EFHD1: variants seen among roughly 807,000 people sequenced by gnomAD.
The protein encoded by EFHD1 is EF-hand domain-containing protein D1.
In EFHD1, 10 loss-of-function variants were observed where a neutral mutation model predicts 17.2. The ratio of observed to expected loss-of-function variants is 0.58; its 90% confidence interval spans 0.36 to 0.99. The LOEUF is 0.99. Among genes scored for constraint, EFHD1 ranks in the 50% least tolerant of loss-of-function variants. The pLI, the probability that EFHD1 is intolerant of heterozygous loss-of-function variation, is 0.01. For synonymous variants in EFHD1, 153 were observed against 142.0 expected (o/e 1.08, Z -0.55); for missense variants, 310 against 327.5 (o/e 0.95, Z 0.41).
intron 2 of EFHD1, among the ~76,000 whole-genome samples, chr2:232,668,925 C>T (rs764934874): frequency 2.6e-5 from 4 of 152,212 alleles, no homozygotes; most frequent in Non-Finnish European, 4.4e-5. Context: ...TGAGCCACCA[C>T]GCCCAGCCAG....
At chr2:232,632,518 G>C (rs754901794), upstream of EFHD1, among the ~76,000 whole-genome samples, 58 of 152,286 alleles carry the variant, frequency 3.8e-4, 1 homozygote, top group Middle Eastern at 0.02. Flanking sequence ...CCTTCCTTGG[G>C]GAGAATGACG....
At position 232,682,579 on chromosome 2, in the gene EFHD1, C is replaced by G. The variant is rs1369383731; in HGVS notation, c.*860C>G. 6.6e-6 allele frequency: 1 copy of G among 152,200 alleles called. No homozygotes were observed. Among genetic ancestry groups the G allele is most frequent in the Non-Finnish European group, 1.5e-5 (1 of 68,054 alleles). 9.4% of individuals were successfully genotyped at this position (152,200 alleles called of 1,614,324 possible). ...AAACATCCCCAAAGTCATGGCCATACTCACCATTAGCCAGTTTCTAACATC... is the reference window on the plus strand; with the variant it reads ...AAACATCCCCAAAGTCATGGCCATAGTCACCATTAGCCAGTTTCTAACATC... On this transcript the variant is annotated 3_prime_UTR_variant, in exon 4 of 4. Transcript: ENST00000264059.
chr2:232,612,462 G>T (rs547464059), intron 1 of EFHD1, among the ~76,000 whole-genome samples: 4 of 152,218 alleles, frequency 2.6e-5, no homozygotes, highest in African/African-American at 9.6e-5. Context: ...ATGGGCAAAA[G>T]ATTTGAATCA....
At position 232,679,801 on chromosome 2, in the gene EFHD1, A is replaced by G. The variant is rs565991836; in HGVS notation, c.586-1784A>G. On this transcript the variant is annotated intron_variant, in intron 3 of 3. Coordinates refer to ENST00000264059, the MANE Select transcript of EFHD1 (RefSeq NM_025202.4). ...CGTGGGCAAAGGATATAAATGGGCA[A>G]TTTACAAAAGAGGAAATAAAAGAAG... Among the ~76,000 whole-genome samples, 294 of 152,160 alleles carry G rather than the reference A, an allele frequency of 1.9e-3. 1 individual carries two copies. Among genetic ancestry groups the G allele is most frequent in the African/African-American group, 6.5e-3 (269 of 41,542 alleles).
chr2:232,647,026 C>T (rs983712822), intron 1 of EFHD1, among the ~76,000 whole-genome samples: 3 of 152,234 alleles, frequency 2.0e-5, no homozygotes, highest in East Asian at 1.9e-4. Flanking sequence ...TGGGGTCATG[C>T]GGTTCCCTCC....
At chr2:232,672,931 A>G (rs1253156120) in intron 3 of EFHD1, among the ~76,000 whole-genome samples, 1 of 152,034 alleles carries the variant, frequency 6.6e-6, no homozygotes, top group African/African-American at 2.4e-5. Context: ...GACAGATTTC[A>G]TCATCTCTCT....
In EFHD1 at chr2:232,668,338, T is replaced by G. The variant is rs190213156; in HGVS notation, c.451-3971T>G. ...AACTGGCTGGGGTAGGGGGTACCCC[T>G]GAGGTGTGACAGGGATGCTGCTGGT... is the stretch of plus-strand genomic sequence containing the variant. On this transcript the variant is annotated intron_variant, in intron 2 of 3. Coordinates refer to ENST00000264059, the MANE Select transcript of EFHD1 (RefSeq NM_025202.4). 1.1e-4 allele frequency among the ~76,000 whole-genome samples: 17 copies of G among 152,338 alleles called. No homozygotes were observed. In the East Asian group the frequency reaches 3.3e-3, roughly 29 times the overall value.
At chr2:232,612,065 T>G (rs1253195605) in intron 1 of EFHD1, 1 of 152,230 alleles carries the variant, frequency 6.6e-6, no homozygotes, top group African/African-American at 2.4e-5. Context: ...TTGCCCAGAC[T>G]GATCTCCAAC....
rs1238242209 is a variant in EFHD1, at chr2:232,662,967, C to T, written c.450+18C>T. 2.6e-6 allele frequency: 4 copies of T among 1,558,386 alleles called. No homozygotes were observed. The highest frequency in any genetic ancestry group is 2.8e-5 in the African/African-American group (2 of 71,716). ...TCCGGGAGGTACCTGCCTGCTGTGG[C>T]CCTGAGCCCCTGTGGGGTGCCCCTG... On this transcript the variant is annotated intron_variant, in intron 2 of 3. Transcript: ENST00000264059.
intron 1 of EFHD1, among the ~76,000 whole-genome samples, chr2:232,616,195 C>T (rs1341677666): frequency 6.6e-6 from 1 of 152,116 alleles, no homozygotes; most frequent in African/African-American, 2.4e-5. Flanking sequence ...ACTCAGCCTT[C>T]GACAGGGAGG....
In EFHD1 at chr2:232,633,667, C is replaced by T. The variant is rs909124006; in HGVS notation, c.-38C>T. 1.4e-6 allele frequency: 2 copies of T among 1,396,902 alleles called. No homozygotes were observed. Among genetic ancestry groups the T allele is most frequent in the African/African-American group, 3.0e-5 (2 of 66,056 alleles). The allele number at this position is 1,396,902 out of a possible 1,614,324, so 86.5% of individuals were successfully genotyped here. On this transcript the variant is annotated 5_prime_UTR_variant, in exon 1 of 4. Coordinates refer to ENST00000264059, the MANE Select transcript of EFHD1 (RefSeq NM_025202.4). ...GCCCGCCAGCTCCCTGCGTCCCGTCCCGCGTCCCCGCGTTCCCGCGTCCTG... is the reference window on the plus strand; with the variant it reads ...GCCCGCCAGCTCCCTGCGTCCCGTCTCGCGTCCCCGCGTTCCCGCGTCCTG...
At chr2:232,681,030 C>T (rs1052059462) in intron 3 of EFHD1, among the ~76,000 whole-genome samples, 1 of 151,870 alleles carries the variant, frequency 6.6e-6, no homozygotes, top group Non-Finnish European at 1.5e-5. Flanking sequence ...GTGGCGTGCA[C>T]CTGTAGTCCC....
intron 1 of EFHD1, among the ~76,000 whole-genome samples, chr2:232,654,147 C>A (rs370331667): frequency 2.3e-4 from 34 of 148,400 alleles, no homozygotes; most frequent in Admixed American, 2.3e-3. Context: ...GCAGAAGTTG[C>A]AGTGAGCTGA....
rs1214428558 is a variant in EFHD1 at position 232,660,197 on chromosome 2, TA to T, written c.303-2604del. 4.5e-4 allele frequency among the ~76,000 whole-genome samples: 26 copies of T among 57,980 alleles called. 1 individual carries two copies. The highest frequency in any genetic ancestry group is 7.8e-3 in the Middle Eastern group (1 of 128). 38.0% of individuals were successfully genotyped at this position (57,980 alleles called of 152,430 possible). ...TTTATTTTATTTTATTTTATTTATT[TA>T]TTTATTTTTTTTTTGAGGCGGAATC... On this transcript the variant is annotated intron_variant, in intron 1 of 3. Transcript: ENST00000264059.
At chr2:232,642,394 A>G (rs973421548) in intron 1 of EFHD1, among the ~76,000 whole-genome samples, 51 of 151,324 alleles carry the variant, frequency 3.4e-4, no homozygotes, top group Non-Finnish European at 6.2e-4. Flanking sequence ...AAAAAAAAAA[A>G]AAAGACAAAT....
intron 2 of EFHD1, among the ~76,000 whole-genome samples, chr2:232,669,834 C>T (rs934687079): frequency 2.6e-5 from 4 of 151,946 alleles, no homozygotes; most frequent in East Asian, 1.9e-4. Context: ...CTCCTGACCT[C>T]GTGATCCACC....
At chr2:232,674,054 G>T (rs772874721) in intron 3 of EFHD1, among the ~76,000 whole-genome samples, 2 of 151,804 alleles carry the variant, frequency 1.3e-5, no homozygotes, top group Non-Finnish European at 2.9e-5. Flanking sequence ...GCCTACAGGC[G>T]CCCACCACCA....
At chr2:232,673,747 A>C (rs1168707041) in intron 3 of EFHD1, among the ~76,000 whole-genome samples, 1 of 151,802 alleles carries the variant, frequency 6.6e-6, no homozygotes. Context: ...ATTTTATTTT[A>C]TTTTTTGAGA....
chr2:232,641,607 A>G (rs546837867), intron 1 of EFHD1, among the ~76,000 whole-genome samples: 45 of 152,310 alleles, frequency 3.0e-4, no homozygotes, highest in African/African-American at 9.6e-4. Context: ...GCAGCCTGCC[A>G]TTGTGATATG....
Sources: allele counts gnomAD v4.1 joint callset (sites outside exome capture counted in the v4.1 genomes callset), GRCh38; gene constraint gnomAD v4.1.1; transcripts MANE v1.5; gene names NCBI Gene and HGNC (gene_info 2026-07-23, HGNC 2026-07-21).